Variants in PPP2R1B observed in about 807,000 individuals in gnomAD.
The protein encoded by PPP2R1B is protein phosphatase 2 scaffold subunit Abeta.
Under a neutral mutation model 72.7 loss-of-function variants are expected in PPP2R1B, and 58 were observed. The ratio of observed to expected loss-of-function variants is 0.80; its 90% CI spans 0.65 to 0.99. PPP2R1B has a LOEUF of 0.99. Among genes scored for constraint, PPP2R1B ranks in the 50% least tolerant of loss-of-function variants. The pLI is 0.00. For missense variants in PPP2R1B, 695 were observed against 733.6 expected (o/e 0.95, Z 0.61); for synonymous variants, 256 against 264.6 (o/e 0.97, Z 0.32).
In PPP2R1B at chr11:111,740,286, C is replaced by A; in HGVS notation, c.*1310G>T. ...AGGCTAGAGTGCAGTGGCGCGATCT[C>A]GGCTCAGTGCAACCTCTACCTCCCA... On this transcript the variant is annotated 3_prime_UTR_variant, in exon 15 of 15. Coordinates refer to ENST00000527614, the MANE Select transcript of PPP2R1B (RefSeq NM_002716.5). 1 of 931,978 alleles carries A rather than the reference C, an allele frequency of 1.1e-6. No individual in the cohort carries two copies. The highest frequency in any genetic ancestry group is 5.0e-5 in the South Asian group (1 of 20,166). The allele number at this position is 931,978 out of a possible 1,614,324, so 57.7% of individuals were successfully genotyped here. A position where few individuals can be genotyped will look rare whatever the true frequency, so the allele number is the denominator to read the frequency against.
At chr11:111,723,076 C>T (rs1255760863), downstream of PPP2R1B, among the ~76,000 whole-genome samples, 7 of 152,156 alleles carry the variant, frequency 4.6e-5, no homozygotes, top group African/African-American at 1.2e-4. Context: ...AGGAGCCTTC[C>T]GTCCTCCCTT....
At chr11:111,721,151 C>T in the PPP2R1B span, 2 of 1,448,228 alleles carry the variant, frequency 1.4e-6, no homozygotes, top group Non-Finnish European at 1.8e-6. Flanking sequence ...TAGAGGATTT[C>T]CTCCAGTCCT....
chr11:111,752,433 GA>G (rs1489417486), intron 9 of PPP2R1B, 101 bp from the exon 10 acceptor site: 457 of 1,140,606 alleles, frequency 4.0e-4, no homozygotes, highest in South Asian at 1.0e-3. Flanking sequence ...AGACTCAGGT[GA>G]AAAAAAAATG....
the PPP2R1B span, among the ~76,000 whole-genome samples, chr11:111,718,348 T>C: frequency 1.3e-5 from 2 of 152,228 alleles, no homozygotes; most frequent in African/African-American, 4.8e-5. Flanking sequence ...AAGGAAAGTT[T>C]ATCTGGGGAA....
At chr11:111,732,985 ACAACGTCCCTTAGG>A (rs1944239616), downstream of PPP2R1B, among the ~76,000 whole-genome samples, 1 of 152,210 alleles carries the variant, frequency 6.6e-6, no homozygotes, top group African/African-American at 2.4e-5. Flanking sequence ...ATCATCCTGG[ACAACGTCCCTTAGG>A]AGGCAGATGT....
rs569372982 is a variant in PPP2R1B, at chr11:111,747,133, A to G, written c.1399+821T>C. Among the ~76,000 whole-genome samples, 32 of 152,360 alleles carry G rather than the reference A, an allele frequency of 2.1e-4. No individual in the cohort carries two copies. The South Asian group carries it at 6.4e-3, about 31-fold the overall frequency. On this transcript the variant is annotated intron_variant, in intron 11 of 14. Coordinates refer to ENST00000527614, the MANE Select transcript of PPP2R1B (RefSeq NM_002716.5). ...ACTCAGGTTATCTATTATATCCACCAAAACATGGAAACAAAGCTCAAGGAC... is the reference window on the plus strand; with the variant it reads ...ACTCAGGTTATCTATTATATCCACCGAAACATGGAAACAAAGCTCAAGGAC...
chr11:111,707,191 C>T, the PPP2R1B span, among the ~76,000 whole-genome samples: 2 of 152,118 alleles, frequency 1.3e-5, no homozygotes, highest in African/African-American at 4.8e-5. Context: ...AGCTGGAAAG[C>T]CCCCAGGGCC....
At chr11:111,717,920 G>A in the PPP2R1B span, among the ~76,000 whole-genome samples, 2 of 152,136 alleles carry the variant, frequency 1.3e-5, no homozygotes, top group Non-Finnish European at 2.9e-5. Context: ...GCCTGTTAGG[G>A]GGGCAATGGG....
intron 3 of PPP2R1B, among the ~76,000 whole-genome samples, chr11:111,763,880 A>ATG (rs1945422511): frequency 6.6e-6 from 1 of 152,084 alleles, no homozygotes; most frequent in Admixed American, 6.6e-5. Context: ...ATATATATAT[A>ATG]TTCATACTTA....
chr11:111,713,931 C>A, the PPP2R1B span, among the ~76,000 whole-genome samples: 1 of 152,092 alleles, frequency 6.6e-6, no homozygotes, highest in Non-Finnish European at 1.5e-5. Flanking sequence ...CGTGCCATTG[C>A]ATGCCAGCCC....
At chr11:111,754,384 T>C (rs1288216956) in intron 8 of PPP2R1B, 115 bp downstream of exon 8, 2 of 1,373,068 alleles carry the variant, frequency 1.5e-6, no homozygotes, top group African/African-American at 1.5e-5. Flanking sequence ...TCCCCATTCA[T>C]TCCCTGTCAA....
At chr11:111,746,368 G>A (rs539799113) in intron 11 of PPP2R1B, among the ~76,000 whole-genome samples, 14 of 152,232 alleles carry the variant, frequency 9.2e-5, no homozygotes, top group East Asian at 1.9e-4. Context: ...GCAAATTAAC[G>A]CGGGAACAGA....
In PPP2R1B at chr11:111,760,650, T is replaced by TA. The variant is rs1173336349; in HGVS notation, c.539+168dup. On this transcript the variant is annotated intron_variant, in intron 4 of 14. Coordinates refer to ENST00000527614, the MANE Select transcript of PPP2R1B (RefSeq NM_002716.5). ...GACAACAGAGCAAGACCTTATCTCT[T>TA]AAAAAAAAAAAAGAAAGATGTCATA... is the stretch of plus-strand genomic sequence containing the variant. Among the ~76,000 whole-genome samples, 389 of 144,220 alleles carry TA rather than the reference T, an allele frequency of 2.7e-3. 2 individuals carry two copies. The highest frequency in any genetic ancestry group is 0.021 in the East Asian group (105 of 4,972). The allele number at this position is 144,220 out of a possible 152,430, so 94.6% of individuals were successfully genotyped here.
chr11:111,703,438 G>A, the PPP2R1B span: 2 of 1,611,480 alleles, frequency 1.2e-6, no homozygotes, highest in Admixed American at 3.3e-5. Flanking sequence ...AGTGATCAGA[G>A]ATTTCGGGGT....
chr11:111,703,963 G>T, the PPP2R1B span, among the ~76,000 whole-genome samples: 69 of 152,264 alleles, frequency 4.5e-4, no homozygotes, highest in African/African-American at 1.6e-3. Flanking sequence ...TTCTGTCCTC[G>T]AATAGTTAGC....
chr11:111,751,134 C>T (rs374416815), intron 10 of PPP2R1B, among the ~76,000 whole-genome samples: 6 of 151,996 alleles, frequency 3.9e-5, no homozygotes, highest in African/African-American at 9.7e-5. Context: ...CCACTGTGCC[C>T]GGCCTTTCAA....
At chr11:111,719,959 C>A in the PPP2R1B span, 1 of 1,614,148 alleles carries the variant, frequency 6.2e-7, no homozygotes, top group Non-Finnish European at 8.5e-7. Flanking sequence ...AGACGGCACA[C>A]TCTGTCAGAA....
At chr11:111,695,351 T>A in the PPP2R1B span, among the ~76,000 whole-genome samples, 6 of 152,228 alleles carry the variant, frequency 3.9e-5, no homozygotes. Context: ...TGTTGATTCC[T>A]AGAAATCATT....
the PPP2R1B span, among the ~76,000 whole-genome samples, chr11:111,697,032 A>G: frequency 1.3e-5 from 2 of 152,190 alleles, no homozygotes; most frequent in Non-Finnish European, 2.9e-5. Context: ...AACCCTGACA[A>G]TTATTAACTT....
Sources: gnomAD v4.1 joint callset for allele counts (sites outside exome capture counted in the v4.1 genomes callset) on GRCh38, gnomAD v4.1.1 for gene constraint, MANE v1.5 for transcripts, NCBI Gene and HGNC (gene_info 2026-07-23, HGNC 2026-07-21) for gene names.